The following MSRA variants were observed in gnomAD, a reference collection of about 807,000 sequenced individuals.
MSRA encodes the protein methionine sulfoxide reductase A.
MSRA carries 54 observed loss-of-function variants against 31.3 expected under a neutral mutation model. The observed-to-expected ratio is 1.73, with a 90% CI of 1.39 to 2.17. The LOEUF (loss-of-function observed/expected upper bound fraction) is 2.17, where lower values mean the gene tolerates loss of function less well. MSRA is among the 30% of genes most tolerant of loss of function. The pLI, the probability that MSRA is intolerant of heterozygous loss-of-function variation, is 0.00. For synonymous variants in MSRA, 169 were observed against 116.5 expected (o/e 1.45, Z -2.90); for missense variants, 507 against 300.9 (o/e 1.69, Z -5.07).
intron 1 of MSRA, among the ~76,000 whole-genome samples, chr8:10,185,229 C>T (rs1435522394): frequency 6.6e-6 from 1 of 152,156 alleles, no homozygotes; most frequent in African/African-American, 2.4e-5. Context: ...AGGGGCATTT[C>T]ATCAGTATGC....
intron 1 of MSRA, among the ~76,000 whole-genome samples, chr8:10,063,707 G>C (rs1441116739): frequency 6.6e-6 from 1 of 152,178 alleles, no homozygotes; most frequent in Non-Finnish European, 1.5e-5. Context: ...TGGTGAGAAG[G>C]CGCTGTCCGT....
intron 3 of MSRA, among the ~76,000 whole-genome samples, chr8:10,289,873 C>T (rs1364086921): frequency 6.6e-6 from 1 of 152,172 alleles, no homozygotes; most frequent in African/African-American, 2.4e-5. Flanking sequence ...TCTGGCATCT[C>T]ATTGTGAAGT....
intron 1 of MSRA, among the ~76,000 whole-genome samples, chr8:10,065,037 G>T (rs1445687537): frequency 6.6e-6 from 1 of 152,040 alleles, no homozygotes; most frequent in African/African-American, 2.4e-5. Context: ...TTGCATTGCT[G>T]AAAACTCCAT....
intron 5 of MSRA, among the ~76,000 whole-genome samples, chr8:10,353,106 G>A (rs1804285557): frequency 6.6e-6 from 1 of 152,146 alleles, no homozygotes; most frequent in African/African-American, 2.4e-5. Flanking sequence ...TGTAACCACA[G>A]GCCTGAGCCA....
At chr8:10,238,478 G>A (rs146982878) in intron 2 of MSRA, among the ~76,000 whole-genome samples, 282 of 151,914 alleles carry the variant, frequency 1.9e-3, no homozygotes, top group African/African-American at 6.5e-3. Context: ...ATTTATCCTG[G>A]GTGCTTAGAG....
chr8:10,275,989 G>C (rs980718352), intron 3 of MSRA, among the ~76,000 whole-genome samples: 5 of 152,198 alleles, frequency 3.3e-5, no homozygotes, highest in African/African-American at 7.2e-5. Flanking sequence ...TCTGGTACTG[G>C]GGGTTTAAGT....
intron 5 of MSRA, among the ~76,000 whole-genome samples, chr8:10,325,365 A>T (rs1802301753): frequency 1.3e-5 from 2 of 152,040 alleles, no homozygotes; most frequent in Non-Finnish European, 1.5e-5. Context: ...TAGCTATATA[A>T]TAATAATAGT....
At chr8:10,063,623 C>T (rs951097583) in intron 1 of MSRA, among the ~76,000 whole-genome samples, 4 of 152,128 alleles carry the variant, frequency 2.6e-5, no homozygotes, top group African/African-American at 4.8e-5. Context: ...GGGTGGAACA[C>T]GCATGAGTGG....
chr8:10,343,449 G>A (rs564092976), intron 5 of MSRA, among the ~76,000 whole-genome samples: 1 of 152,318 alleles, frequency 6.6e-6, no homozygotes, highest in East Asian at 1.9e-4. Flanking sequence ...ATGATGTATG[G>A]TGATTAGAAT....
chr8:10,204,771 G>C (rs1452487179), intron 1 of MSRA, among the ~76,000 whole-genome samples: 3 of 152,212 alleles, frequency 2.0e-5, no homozygotes, highest in Admixed American at 1.3e-4. Context: ...GCTAAAGAGA[G>C]ATTTTTTAGT....
chr8:10,300,341 C>A (rs1049879880), intron 3 of MSRA, among the ~76,000 whole-genome samples: 1 of 151,964 alleles, frequency 6.6e-6, no homozygotes, highest in Non-Finnish European at 1.5e-5. Context: ...CTGCAACCTC[C>A]ACCTCTCAGG....
chr8:10,386,987 G>A (rs544917594), intron 5 of MSRA, among the ~76,000 whole-genome samples: 23 of 152,056 alleles, frequency 1.5e-4, no homozygotes, highest in East Asian at 1.9e-4. Flanking sequence ...ATTGATGTGC[G>A]TGCAGAACAC....
chr8:10,140,288 G>A (rs1802597231), intron 1 of MSRA, among the ~76,000 whole-genome samples: 1 of 152,154 alleles, frequency 6.6e-6, no homozygotes, highest in Non-Finnish European at 1.5e-5. Flanking sequence ...AGAATCTTAT[G>A]ACCTGCCATA....
chr8:10,181,893 C>T (rs550919500), intron 1 of MSRA, among the ~76,000 whole-genome samples: 48 of 152,230 alleles, frequency 3.2e-4, no homozygotes, highest in African/African-American at 1.1e-3. Flanking sequence ...CCCCAAGTGC[C>T]TTGGCTCAAC....
intron 1 of MSRA, among the ~76,000 whole-genome samples, chr8:10,144,289 G>T (rs969438306): frequency 6.6e-6 from 1 of 152,146 alleles, no homozygotes; most frequent in African/African-American, 2.4e-5. Context: ...ATAGCCTCTG[G>T]AGCCAGTCTG....
chr8:10,059,650 T>A (rs1210685826), intron 1 of MSRA, among the ~76,000 whole-genome samples: 1 of 152,136 alleles, frequency 6.6e-6, no homozygotes. Flanking sequence ...ATAAATTAGA[T>A]CATATCACAG....
At chr8:10,336,036 G>A (rs1485394317) in intron 5 of MSRA, among the ~76,000 whole-genome samples, 1 of 152,064 alleles carries the variant, frequency 6.6e-6, no homozygotes, top group Non-Finnish European at 1.5e-5. Flanking sequence ...CACCCTCACA[G>A]ATTTATAAAT....
chr8:10,075,698 A>C (rs79809697), intron 1 of MSRA, among the ~76,000 whole-genome samples: 1 of 152,248 alleles, frequency 6.6e-6, no homozygotes, highest in African/African-American at 2.4e-5. Flanking sequence ...TTACGATATA[A>C]CAAGTTCCAC....
chr8:10,272,184 A>G (rs548585634), intron 3 of MSRA, among the ~76,000 whole-genome samples: 18 of 152,264 alleles, frequency 1.2e-4, no homozygotes, highest in African/African-American at 2.6e-4. Context: ...ATATTAGTCA[A>G]TATTCTCCAG....
Sources: gnomAD v4.1 joint callset for allele counts (sites outside exome capture counted in the v4.1 genomes callset) on GRCh38, gnomAD v4.1.1 for gene constraint, MANE v1.5 for transcripts, NCBI Gene and HGNC (gene_info 2026-07-23, HGNC 2026-07-21) for gene names.